Variants in PITPNM1 observed in about 807,000 individuals in gnomAD.
The protein encoded by PITPNM1 is phosphatidylinositol transfer protein membrane associated 1.
A neutral mutation model predicts 133.3 loss-of-function variants in PITPNM1; 74 were observed. That is an observed-to-expected ratio of 0.56 (90% CI 0.46 to 0.67). The LOEUF is 0.67. PITPNM1 is among the 30% of genes least tolerant of loss of function. PITPNM1 has a pLI of 0.00. For synonymous variants in PITPNM1, 738 were observed against 741.4 expected, an observed-to-expected ratio of 1.00 and a Z score of 0.08; for missense variants, 1,398 against 1,739.5, an observed-to-expected ratio of 0.80 and a Z score of 3.49.
intron 16 of PITPNM1, 70 bp from the exon 17 acceptor site, chr11:67,495,295 C>G: frequency 1.3e-6 from 2 of 1,499,428 alleles, no homozygotes; most frequent in Non-Finnish European, 1.8e-6. Flanking sequence ...GCTGGGTGCT[C>G]TTCCCTCCCC....
intron 22 of PITPNM1, among the ~76,000 whole-genome samples, 154 bp from the exon 23 acceptor site, chr11:67,493,216 C>T (rs1461646882): frequency 6.6e-6 from 1 of 152,154 alleles, no homozygotes; most frequent in East Asian, 1.9e-4. Flanking sequence ...GCGGGACCAG[C>T]TGCATCTCCC....
At chr11:67,492,626 C>T (rs1343676489) in intron 23 of PITPNM1, among the ~76,000 whole-genome samples, 1 of 152,250 alleles carries the variant, frequency 6.6e-6, no homozygotes, top group Non-Finnish European at 1.5e-5. Context: ...CTGACATGGG[C>T]AGTGCCATGA....
At chr11:67,497,157 G>GTTGCTCATGCCTC in intron 14 of PITPNM1, 74 bp downstream of exon 14, 1 of 1,272,592 alleles carries the variant, frequency 7.9e-7, no homozygotes, top group Non-Finnish European at 1.1e-6. Context: ...TCGGATGAGA[G>GTTGCTCATGCCTC]GGAAGGCCAG....
Position 67,491,891 on chromosome 11 carries a change from G to A in PITPNM1, c.*142C>T, listed in dbSNP as rs963031985. ...CCTCATATGAAAGGGAAGTAACACC[G>A]AGGAGCACACGGAGATATAGGGTGT... On this transcript the variant is annotated 3_prime_UTR_variant, in exon 24 of 24. Transcript: ENST00000356404. The A allele has an allele frequency of 4.2e-5, 38 of 906,600 alleles. 1 individual carries two copies. The South Asian group carries it at 4.8e-4, about 11-fold the overall frequency. 56.2% of individuals were successfully genotyped at this position (906,600 alleles called of 1,614,324 possible).
chr11:67,503,964 T>C (rs1274728704), intron 2 of PITPNM1, 139 bp downstream of exon 2: 2 of 610,812 alleles, frequency 3.3e-6, no homozygotes, highest in Non-Finnish European at 5.6e-6. Flanking sequence ...CTTCCCACAG[T>C]CCTTCCCCAT....
In PITPNM1 at chr11:67,498,999, G is replaced by T; in HGVS notation, c.1174C>A (p.Pro392Thr). 6.2e-7 allele frequency: 1 copy of T among 1,610,772 alleles called. No homozygotes were observed. The highest frequency in any genetic ancestry group is 8.5e-7 in the Non-Finnish European group (1 of 1,178,826). The change falls in exon 9 of 24, where the codon CCT becomes ACT. Residue 392 changes from proline to threonine, a missense_variant and splice_region_variant. Pro to Thr is a conservative substitution (Grantham distance 38). This residue lies in a region of PITPNM1 where 195 missense variants were observed against 178.8 expected (regional missense o/e 1.09). Coordinates refer to ENST00000356404, the MANE Select transcript of PITPNM1 (RefSeq NM_004910.3). The surrounding 1 kb of genome is among the most constrained non-coding windows in gnomAD (Gnocchi z 5.7). Reference protein sequence around the residue: ...SPVEAEGTPEPGAEAAKGIED... With the variant: ...SPVEAEGTPETGAEAAKGIED... The stretch of plus-strand genomic sequence containing the variant: ...ATGCCTTTAGCTGCCTCGGCTCCAG[G>T]CTCTGCAGGGCAACGAAGCCAGTGA...
At chr11:67,494,445 A>C in intron 18 of PITPNM1, 85 bp from the exon 19 acceptor site, 1 of 935,032 alleles carries the variant, frequency 1.1e-6, no homozygotes, top group Non-Finnish European at 1.6e-6. Context: ...TCCACACGCA[A>C]ACACCGGGGT....
Position 67,499,015 on chromosome 11 carries a change from A to C in PITPNM1, c.1172-14T>G. On this transcript the variant is annotated splice_polypyrimidine_tract_variant and intron_variant, in intron 8 of 23. Transcript: ENST00000356404. ...CGGCTCCAGGCTCTGCAGGGCAACG[A>C]AGCCAGTGAGAGGGACGGAGAGGAC... The C allele has an allele frequency of 6.2e-7, 1 of 1,608,046 alleles. No homozygotes were observed. Among genetic ancestry groups the C allele is most frequent in the South Asian group, 1.1e-5 (1 of 90,656 alleles).
rs754135669 is a variant in PITPNM1, at chr11:67,498,753, G to C, written c.1327C>G (p.Pro443Ala). ...LHSGNILDSG[P>A]GDANSKQADV... ...GCCTGCTTGGAGTTGGCGTCTCCAG[G>C]GCCTGAGTCCAGGATGTTGCCGCTG... is the stretch of plus-strand genomic sequence containing the variant. The change falls in exon 10 of 24, where the codon CCT becomes GCT. Residue 443 changes from proline to alanine, a missense_variant. This residue lies in a region of PITPNM1 where 574 missense variants were observed against 698.7 expected (regional missense o/e 0.82). Transcript: ENST00000356404. This position sits in a 1 kb window ranked among gnomAD's most constrained non-coding sequence, Gnocchi z 5.7. The C allele has an allele frequency of 6.2e-6, 10 of 1,611,660 alleles. No homozygotes were observed. The highest frequency in any genetic ancestry group is 8.5e-6 in the Non-Finnish European group (10 of 1,179,994).
At position 67,494,323 on chromosome 11, in the gene PITPNM1, A is replaced by ACCAC; in HGVS notation, c.2776_2779dup (p.Val927GlyfsTer52). 6.2e-7 allele frequency: 1 copy of ACCAC among 1,610,912 alleles called. No individual in the cohort carries two copies. Among genetic ancestry groups the ACCAC allele is most frequent in the Non-Finnish European group, 8.5e-7 (1 of 1,179,130 alleles). Reference sequence around the variant, plus strand: ...TAGCACCTGGGGGCGGCCCTCGCACACCACCGTGTCGCTCGCCCGGTGGTT... The same window carrying ACCAC: ...TAGCACCTGGGGGCGGCCCTCGCACACCACCCACCGTGTCGCTCGCCCGGTGGTT... On this transcript the variant is annotated frameshift_variant, in exon 19 of 24. Transcript: ENST00000356404. LOFTEE classifies it high-confidence loss of function.
In PITPNM1 at chr11:67,493,743, C is replaced by T. The variant is rs1866012054; in HGVS notation, c.3103G>A (p.Val1035Ile). 5 of 1,548,368 alleles carry T rather than the reference C, an allele frequency of 3.2e-6. No homozygotes were observed. Among genetic ancestry groups the T allele is most frequent in the East Asian group, 2.4e-5 (1 of 41,034 alleles). ...TTGGGGTCGCTGCCCATGATGGAGA[C>T]GCTGGCGGTGAAGGAGCCGTCGATG... The part of the protein sequence containing the change: ...FSIDGSFTAS[V>I]SIMGSDPKVR... The change falls in exon 21 of 24, where the codon GTC (valine) becomes ATC (isoleucine). Residue 1035 changes from valine to isoleucine, a missense_variant. By Grantham distance (29) the Val-to-Ile change is conservative (BLOSUM62 3). Around this residue, in one of 5 missense-constraint regions of PITPNM1, gnomAD observed 233 missense variants for 378.0 expected, o/e 0.62. Coordinates refer to ENST00000356404, the MANE Select transcript of PITPNM1 (RefSeq NM_004910.3).
At chr11:67,497,204 G>A (rs1591058106) in intron 14 of PITPNM1, 27 bp downstream of exon 14, 2 of 1,554,056 alleles carry the variant, frequency 1.3e-6, no homozygotes, top group East Asian at 4.6e-5. Flanking sequence ...AGAGACTAGA[G>A]GCGCCCCCGC....
intron 14 of PITPNM1, chr11:67,496,625 C>A (rs1866130253): frequency 2.3e-6 from 1 of 437,394 alleles, no homozygotes; most frequent in South Asian, 4.0e-5. Flanking sequence ...CATGGTGAAA[C>A]CCCGTCTCCA....
rs778995855 is a variant in PITPNM1, at chr11:67,498,217, G to A, written c.1590C>T (p.Gly530=). 11 of 1,612,806 alleles carry A rather than the reference G, an allele frequency of 6.8e-6. No homozygotes were observed. The highest frequency in any genetic ancestry group is 1.7e-5 in the Admixed American group (1 of 59,944). Residue 530 remains glycine, a synonymous_variant, in exon 11 of 24, where the codon GGC becomes GGT. Transcript: ENST00000356404. This position sits in a 1 kb window ranked among gnomAD's most constrained non-coding sequence, Gnocchi z 5.7. ...LLATSSSRYQ[G]AVATVIARTN... is the part of the protein sequence containing the mutation. ...TGCGGGCAATGACGGTGGCCACGGCGCCCTGGTAGCGGGAGGATGAGGTGG... is the reference window on the plus strand; with the variant it reads ...TGCGGGCAATGACGGTGGCCACGGCACCCTGGTAGCGGGAGGATGAGGTGG...
Position 67,498,507 on chromosome 11 carries a change from T to A in PITPNM1, c.1484+89A>T. 3.3e-6 allele frequency: 5 copies of A among 1,529,188 alleles called. No individual in the cohort carries two copies. The South Asian group carries it at 6.1e-5, about 19-fold the overall frequency. 94.7% of individuals were successfully genotyped at this position (1,529,188 alleles called of 1,614,324 possible). A position where few individuals can be genotyped will look rare whatever the true frequency, so the allele number is the denominator to read the frequency against. ...CAGCCATGCCAGTGACCGACCCAGG[T>A]GTCTGGCTTCCTGACCCCTTCCCCG... On this transcript the variant is annotated intron_variant, in intron 10 of 23. Transcript: ENST00000356404. The surrounding 1 kb of genome is among the most constrained non-coding windows in gnomAD (Gnocchi z 5.7).
rs768751858 is a variant in PITPNM1, at chr11:67,498,831, C to T, written c.1249G>A (p.Gly417Arg). 34 of 1,609,958 alleles carry T rather than the reference C, an allele frequency of 2.1e-5. No homozygotes were observed. Among genetic ancestry groups the T allele is most frequent in the Middle Eastern group, 1.7e-4 (1 of 6,056 alleles). ...PRDSEGLDGAGELGAEACAVH... is the reference protein window; with the variant it reads ...PRDSEGLDGARELGAEACAVH... ...GCGCATGCCTCAGCCCCCAGCTCCC[C>T]GGCTCCATCCAGGCCCTGGGGGGAA... The change falls in exon 10 of 24, where the codon GGG becomes AGG. Residue 417 changes from glycine (G) to arginine (R), a missense_variant. Around this residue, in one of 5 missense-constraint regions of PITPNM1, gnomAD observed 574 missense variants for 698.7 expected, o/e 0.82. Coordinates refer to ENST00000356404, the MANE Select transcript of PITPNM1 (RefSeq NM_004910.3). This position sits in a 1 kb window ranked among gnomAD's most constrained non-coding sequence, Gnocchi z 5.7.
At chr11:67,505,383 C>G (rs1251237338), upstream of PITPNM1, 5 of 152,154 alleles carry the variant, frequency 3.3e-5, no homozygotes, top group Non-Finnish European at 5.9e-5. The surrounding 1 kb of genome is among the most constrained non-coding windows in gnomAD (Gnocchi z 5.8). Context: ...CCCCGACGCC[C>G]GCCGCGTCAC....
chr11:67,501,085 A>T (rs1261420366), intron 5 of PITPNM1, among the ~76,000 whole-genome samples: 1 of 152,240 alleles, frequency 6.6e-6, no homozygotes, highest in East Asian at 1.9e-4. Context: ...GTAAAATGGG[A>T]ATAATCATCG....
intron 8 of PITPNM1, 114 bp from the exon 9 acceptor site, chr11:67,499,115 C>T: frequency 9.9e-7 from 1 of 1,009,040 alleles, no homozygotes; most frequent in Non-Finnish European, 1.4e-6. Flanking sequence ...TCCCTACCTT[C>T]CTCCAAACTT....
Sources: allele counts gnomAD v4.1 joint callset (sites outside exome capture counted in the v4.1 genomes callset), GRCh38; gene constraint gnomAD v4.1.1; regional missense constraint gnomAD v4.1.1; non-coding constraint Gnocchi (gnomAD v3.1); transcripts MANE v1.5; gene names NCBI Gene and HGNC (gene_info 2026-07-23, HGNC 2026-07-21).